The following MGAM variants were observed in gnomAD, a reference collection of about 807,000 sequenced individuals.
MGAM encodes maltase-glucoamylase.
Under a neutral mutation model 358.8 loss-of-function variants are expected in MGAM, and 253 were observed. The ratio of observed to expected loss-of-function variants is 0.71; its 90% confidence interval spans 0.64 to 0.78. The LOEUF (loss-of-function observed/expected upper bound fraction) is 0.78. MGAM is among the 30% of genes least tolerant of loss of function. The pLI is 0.00. For synonymous variants in MGAM, 1,105 were observed against 1,227.1 expected (o/e 0.90, Z 2.08); for missense variants, 3,080 against 3,432.6 (o/e 0.90, Z 2.57).
At position 142,045,852 on chromosome 7, in the gene MGAM, T is replaced by TATATG. The variant is rs1563159613; in HGVS notation, c.2499-1929_2499-1928insGATAT. On this transcript the variant is annotated intron_variant, in intron 21 of 70. Transcript: ENST00000475668. ...TATTATATATACATACAATATGTAA[T>TATATG]ATATATATTATATATACATACAATA... 4.0e-4 allele frequency among the ~76,000 whole-genome samples: 46 copies of TATATG among 116,432 alleles called. 6 individuals carry two copies. The highest frequency in any genetic ancestry group is 1.5e-3 in the African/African-American group (42 of 28,012). 76.4% of individuals were successfully genotyped at this position (116,432 alleles called of 152,430 possible). A position where few individuals can be genotyped will look rare whatever the true frequency, so the allele number is the denominator to read the frequency against.
rs1253031399 is a variant in MGAM at position 142,044,285 on chromosome 7, G to A, written c.2498+3439G>A. Among the ~76,000 whole-genome samples the A allele has an allele frequency of 1.6e-4, 13 of 79,484 alleles. 3 individuals are homozygous for A. The highest frequency in any genetic ancestry group is 4.1e-4 in the African/African-American group (12 of 29,072). 52.1% of individuals were successfully genotyped at this position (79,484 alleles called of 152,430 possible). On this transcript the variant is annotated intron_variant, in intron 21 of 70. Coordinates refer to ENST00000475668, the MANE Select transcript of MGAM (RefSeq NM_001365693.1). ...TAATATATACATTATATACACATACGACATATAATATATACTATATATAAT... is the reference window on the plus strand; with the variant it reads ...TAATATATACATTATATACACATACAACATATAATATATACTATATATAAT...
In MGAM at chr7:142,022,404, T is replaced by C. The variant is rs781988256; in HGVS notation, c.847T>C (p.Trp283Arg). 1 of 1,613,728 alleles carries C rather than the reference T, an allele frequency of 6.2e-7. No homozygotes were observed. Among genetic ancestry groups the C allele is most frequent in the South Asian group, 1.1e-5 (1 of 91,080 alleles). ...TCGGCATGATATGAATTGGAAGACC[T>C]GGCCCATATTTAACAGAGACACAAC... ...QYRHDMNWKT[W>R]PIFNRDTTPN... Residue 283 changes from tryptophan (W) to arginine (R), a missense_variant, in exon 7 of 71, where the codon TGG (tryptophan) becomes CGG (arginine). Trp to Arg is a moderately radical substitution (Grantham distance 101, BLOSUM62 -3). This residue lies in a region of MGAM where 1,816 missense variants were observed against 1,840.5 expected (regional missense o/e 0.99). Coordinates refer to ENST00000475668, the MANE Select transcript of MGAM (RefSeq NM_001365693.1).
chr7:142,096,830 C>T (rs530539635), intron 65 of MGAM, among the ~76,000 whole-genome samples: 1 of 152,254 alleles, frequency 6.6e-6, no homozygotes, highest in East Asian at 1.9e-4. Flanking sequence ...CCTTCCCTTC[C>T]TCTGCAGGAG....
rs782131094 is a variant in MGAM at position 142,008,827 on chromosome 7, C to G, written c.327+122C>G. On this transcript the variant is annotated intron_variant, in intron 3 of 70. Coordinates refer to ENST00000475668, the MANE Select transcript of MGAM (RefSeq NM_001365693.1). ...CTCAAGAGAGGTGTTTATGTTGCAG[C>G]CATTAGTGGCTCAGGCAAATTAACC... The G allele has an allele frequency of 5.3e-4, 529 of 991,864 alleles. 2 individuals carry two copies. Among genetic ancestry groups the G allele is most frequent in the Non-Finnish European group, 7.2e-4 (486 of 678,740 alleles). The allele number at this position is 991,864 out of a possible 1,614,324, so 61.4% of individuals were successfully genotyped here.
At chr7:141,997,954 C>T (rs115716075) in intron 1 of MGAM, among the ~76,000 whole-genome samples, 4,427 of 152,222 alleles carry the variant, frequency 0.029, 241 homozygotes, top group African/African-American at 0.1. Flanking sequence ...TCCTCTTTTC[C>T]ACTAGATCTC....
rs2129000478 is a variant in MGAM, at chr7:142,026,991, G to C, written c.983-124G>C. ...AGGGTTTTCACTTGGTATTCAAAAT[G>C]TGAGGCACTAGGGTCACCTTGTTAA... On this transcript the variant is annotated intron_variant, in intron 8 of 70. Transcript: ENST00000475668. The C allele has an allele frequency of 1.6e-5, 11 of 675,050 alleles. No homozygotes were observed. The South Asian group carries it at 2.2e-4, about 13-fold the overall frequency. The allele number at this position is 675,050 out of a possible 1,614,324, so 41.8% of individuals were successfully genotyped here.
rs1807410179 is a variant in MGAM, at chr7:142,030,762, CTT to C, written c.1470+6_1470+7del. 1.9e-6 allele frequency: 3 copies of C among 1,582,432 alleles called. No individual in the cohort carries two copies. The highest frequency in any genetic ancestry group is 1.1e-5 in the South Asian group (1 of 90,422). On this transcript the variant is annotated splice_donor_region_variant and intron_variant, in intron 12 of 70. Transcript: ENST00000475668. The stretch of plus-strand genomic sequence containing the variant: ...GTGACTCCACTCATTGGGGAGGTAA[CTT>C]AATGGGAAGGCTGGAGGCTGGTGGA...
At chr7:142,068,343 A>G (rs1162731649) in intron 42 of MGAM, among the ~76,000 whole-genome samples, 1 of 141,832 alleles carries the variant, frequency 7.1e-6, no homozygotes, top group Non-Finnish European at 1.6e-5. Context: ...CCCAGACACA[A>G]CCTCCCTTGT....
intron 37 of MGAM, 143 bp downstream of exon 37, chr7:142,064,665 C>T (rs945144644): frequency 2.4e-5 from 31 of 1,272,034 alleles, no homozygotes; most frequent in Non-Finnish European, 3.3e-5. Context: ...ATTTATTAAA[C>T]AAATGCTCAT....
chr7:142,103,697 C>T (rs956735202), intron 70 of MGAM, among the ~76,000 whole-genome samples: 3 of 152,130 alleles, frequency 2.0e-5, no homozygotes, highest in Non-Finnish European at 4.4e-5. Context: ...TTTGTCTTGA[C>T]TCCCTCACCT....
Position 142,045,110 on chromosome 7 carries a change from G to C in MGAM, c.2499-2675G>C, listed in dbSNP as rs572349358. On this transcript the variant is annotated intron_variant, in intron 21 of 70. Coordinates refer to ENST00000475668, the MANE Select transcript of MGAM (RefSeq NM_001365693.1). ...TATATAATATGTATATTATATATAC[G>C]TGCAATATATGATATATAATATGTA... 3.0e-3 allele frequency among the ~76,000 whole-genome samples: 154 copies of C among 50,948 alleles called. 1 individual carries two copies. The highest frequency in any genetic ancestry group is 9.3e-3 in the African/African-American group (137 of 14,780). 33.4% of individuals were successfully genotyped at this position (50,948 alleles called of 152,430 possible). A position where few individuals can be genotyped will look rare whatever the true frequency, so the allele number is the denominator to read the frequency against.
At chr7:141,992,772 A>G (rs1804002091), upstream of MGAM, among the ~76,000 whole-genome samples, 2 of 152,046 alleles carry the variant, frequency 1.3e-5, no homozygotes, top group Non-Finnish European at 1.5e-5. Flanking sequence ...TTGTAGAGAC[A>G]TGTTCTCCTT....
chr7:142,073,614 C>T (rs535110400), intron 44 of MGAM, among the ~76,000 whole-genome samples: 1 of 146,398 alleles, frequency 6.8e-6, no homozygotes, highest in African/African-American at 2.4e-5. Flanking sequence ...AGATACATTA[C>T]CATTTAGTAG....
Position 142,066,724 on chromosome 7 carries a change from G to C in MGAM, c.4919+3G>C. The C allele has an allele frequency of 6.4e-7, 1 of 1,553,936 alleles. No individual in the cohort carries two copies. Among genetic ancestry groups the C allele is most frequent in the Non-Finnish European group, 8.8e-7 (1 of 1,131,660 alleles). On this transcript the variant is annotated splice_donor_region_variant and intron_variant, in intron 41 of 70. Transcript: ENST00000475668. ...GTTGTGCGGCCTCTGCTCCATGAGT[G>C]AGTGTCCAGCAGGGATCCCGATGAC...
Position 142,025,142 on chromosome 7 carries a change from T to C in MGAM, c.975T>C (p.Asn325=). The change falls in exon 8 of 71, where the codon AAT becomes AAC. Residue 325 remains asparagine (N), a synonymous_variant. Transcript: ENST00000475668. The stretch of plus-strand genomic sequence containing the variant: ...TTGGGGTGTTTCTGATGAACAGCAA[T>C]GCCATGGGTAAAGGAATATTCATGG... ...LSFGVFLMNS[N]AMEVVLQPAP... is the part of the protein sequence containing the mutation. 6.2e-7 allele frequency: 1 copy of C among 1,603,314 alleles called. No individual in the cohort carries two copies.
At chr7:142,094,931 A>T in intron 63 of MGAM, 68 bp downstream of exon 63, 1 of 1,501,824 alleles carries the variant, frequency 6.7e-7, no homozygotes, top group Non-Finnish European at 9.1e-7. Context: ...CCTAAAGTTA[A>T]TGCAGTCTGT....
chr7:142,080,755 A>G (rs1010587398), intron 49 of MGAM, 36 bp from the exon 50 acceptor site: 2 of 1,517,794 alleles, frequency 1.3e-6, no homozygotes, highest in Admixed American at 1.8e-5. Flanking sequence ...TTTCAAGAGT[A>G]GTATTCTTGC....
Position 142,030,467 on chromosome 7 carries a change from A to G in MGAM, c.1327A>G (p.Asn443Asp). 4 of 1,613,698 alleles carry G rather than the reference A, an allele frequency of 2.5e-6. No homozygotes were observed. Among genetic ancestry groups the G allele is most frequent in the Non-Finnish European group, 3.4e-6 (4 of 1,179,734 alleles). The change falls in exon 11 of 71, where the codon AAT (asparagine) becomes GAT (aspartate). Residue 443 changes from asparagine (N) to aspartate (D), a missense_variant. Asn to Asp is a conservative substitution (Grantham distance 23, BLOSUM62 1). Transcript: ENST00000475668. ...FPEFVNELHNNGQKLVIIVDP... is the reference protein window; with the variant it reads ...FPEFVNELHNDGQKLVIIVDP... ...TGAATTTGTCAACGAGTTACACAAT[A>G]ATGGACAGAAGCTTGTCATCATTGT...
intron 57 of MGAM, among the ~76,000 whole-genome samples, chr7:142,088,996 GTATCTATCTATCTATCTATC>G (rs71166560): frequency 2.5e-5 from 3 of 117,970 alleles, no homozygotes; most frequent in African/African-American, 5.8e-5. Flanking sequence ...ATGTATGTAT[GTATCTATCTATCTATCTATC>G]TATCTATCTA....
Sources: allele counts gnomAD v4.1 joint callset (sites outside exome capture counted in the v4.1 genomes callset), GRCh38; gene constraint gnomAD v4.1.1; regional missense constraint gnomAD v4.1.1; transcripts MANE v1.5; gene names NCBI Gene and HGNC (gene_info 2026-07-23, HGNC 2026-07-21).